NTSR1: variants seen among roughly 807,000 people sequenced by gnomAD.
The protein encoded by NTSR1 is neurotensin receptor type 1.
In NTSR1, 29 loss-of-function variants were observed where a neutral mutation model predicts 31.2. The observed-to-expected ratio is 0.93, with a 90% CI of 0.69 to 1.27. The LOEUF (loss-of-function observed/expected upper bound fraction) is 1.27, where lower values mean the gene tolerates loss of function less well. Ranked by LOEUF, NTSR1 falls within the 50% of genes most tolerant of loss-of-function variation. The probability of loss-of-function intolerance (pLI) is 0.00; values close to 1 mark genes in which losing one functional copy is unlikely to be tolerated. For synonymous variants in NTSR1, 282 were observed against 269.9 expected, an observed-to-expected ratio of 1.04 and a Z score of -0.44; for missense variants, 697 against 595.4, an observed-to-expected ratio of 1.17 and a Z score of -1.78.
intron 1 of NTSR1, among the ~76,000 whole-genome samples, chr20:62,730,293 TCTTA>T (rs1988981302): frequency 6.6e-6 from 1 of 152,176 alleles, no homozygotes; most frequent in Admixed American, 6.6e-5. Context: ...CCACTGATCC[TCTTA>T]CTGTCTTTCC....
At position 62,709,635 on chromosome 20, in the gene NTSR1, G is replaced by T; in HGVS notation, c.428G>T (p.Gly143Val). ...GCCTTCGGCGACGCCGGCTGCCGCG[G>T]CTACTACTTCCTGCGCGACGCCTGC... ...PWAFGDAGCRGYYFLRDACTY... is the reference protein window; with the variant it reads ...PWAFGDAGCRVYYFLRDACTY... Residue 143 changes from glycine to valine, a missense_variant, in exon 1 of 4, where the codon GGC (glycine) becomes GTC (valine). Coordinates refer to ENST00000370501, the MANE Select transcript of NTSR1 (RefSeq NM_002531.3). The T allele has an allele frequency of 6.2e-7, 1 of 1,612,324 alleles. No homozygotes were observed. The highest frequency in any genetic ancestry group is 8.5e-7 in the Non-Finnish European group (1 of 1,179,926).
At chr20:62,720,489 C>T (rs1988812050) in intron 1 of NTSR1, among the ~76,000 whole-genome samples, 1 of 151,998 alleles carries the variant, frequency 6.6e-6, no homozygotes, top group Non-Finnish European at 1.5e-5. Context: ...AATAGTGTCT[C>T]CTTGTTCATT....
intron 1 of NTSR1, among the ~76,000 whole-genome samples, chr20:62,718,832 CAT>C (rs1394659730): frequency 6.6e-6 from 1 of 152,216 alleles, no homozygotes; most frequent in African/African-American, 2.4e-5. Context: ...CAAATATTCA[CAT>C]ATGATGAATT....
chr20:62,731,230 G>A lies in NTSR1; in HGVS notation c.714+21309G>A, dbSNP rs186523255. Among the ~76,000 whole-genome samples the A allele has an allele frequency of 7.0e-3, 1,072 of 152,060 alleles. 4 individuals are homozygous for A. Among genetic ancestry groups the A allele is most frequent in the African/African-American group, 0.016 (670 of 41,462 alleles). On this transcript the variant is annotated intron_variant, in intron 1 of 3. Transcript: ENST00000370501. Reference sequence around the variant, plus strand: ...CTCCCGAGTAGCTGGGATTACAGGCGTGCACCACCATGCCCAGCTAATTTT... The same window carrying A: ...CTCCCGAGTAGCTGGGATTACAGGCATGCACCACCATGCCCAGCTAATTTT...
chr20:62,756,354 G>A (rs1008465948), intron 2 of NTSR1, among the ~76,000 whole-genome samples: 1 of 152,240 alleles, frequency 6.6e-6, no homozygotes, highest in African/African-American at 2.4e-5. Flanking sequence ...AAGAAGGCGG[G>A]GCAGGGGCAG....
chr20:62,756,280 G>C (rs1042827605), intron 2 of NTSR1, among the ~76,000 whole-genome samples: 6 of 152,198 alleles, frequency 3.9e-5, no homozygotes, highest in African/African-American at 1.4e-4. Context: ...GAGCCCATCT[G>C]GGCAACAGAG....
chr20:62,726,282 G>A (rs1348105227), intron 1 of NTSR1, among the ~76,000 whole-genome samples: 1 of 152,226 alleles, frequency 6.6e-6, no homozygotes, highest in Non-Finnish European at 1.5e-5. Flanking sequence ...CTCCCAAGAG[G>A]CTCCAGCCTC....
At chr20:62,725,773 G>C (rs1230569768) in intron 1 of NTSR1, among the ~76,000 whole-genome samples, 2 of 152,152 alleles carry the variant, frequency 1.3e-5, no homozygotes, top group Non-Finnish European at 2.9e-5. Context: ...ACCAAGAGGA[G>C]GGAGGAGGAC....
chr20:62,710,782 C>T (rs1292045874), intron 1 of NTSR1, among the ~76,000 whole-genome samples: 2 of 152,134 alleles, frequency 1.3e-5, no homozygotes, highest in African/African-American at 2.4e-5. Context: ...GAGCAGGAGG[C>T]TGGTGTCCAG....
Position 62,733,705 on chromosome 20 carries a change from G to A in NTSR1, c.715-20980G>A, listed in dbSNP as rs1243334993. ...AGAGGGAAAGGCAGAGAGAGAAACAGAGGGAGAAACACAAAGAGAGGGAGA... is the reference window on the plus strand; with the variant it reads ...AGAGGGAAAGGCAGAGAGAGAAACAAAGGGAGAAACACAAAGAGAGGGAGA... On this transcript the variant is annotated intron_variant, in intron 1 of 3. Coordinates refer to ENST00000370501, the MANE Select transcript of NTSR1 (RefSeq NM_002531.3). The surrounding 1 kb of genome is among the most constrained non-coding windows in gnomAD (Gnocchi z 5.2). Among the ~76,000 whole-genome samples, 1 of 151,786 alleles carries A rather than the reference G, an allele frequency of 6.6e-6. No homozygotes were observed. The highest frequency in any genetic ancestry group is 2.4e-5 in the African/African-American group (1 of 41,258).
intron 1 of NTSR1, among the ~76,000 whole-genome samples, chr20:62,710,808 C>T (rs574760465): frequency 7.2e-5 from 11 of 152,212 alleles, no homozygotes; most frequent in Admixed American, 5.9e-4. Context: ...AAGTCAGGGC[C>T]GGTCGGGAAC....
At chr20:62,737,187 G>A (rs755473154) in intron 1 of NTSR1, among the ~76,000 whole-genome samples, 27 of 152,196 alleles carry the variant, frequency 1.8e-4, no homozygotes, top group Non-Finnish European at 2.2e-4. Flanking sequence ...GTGAGGACGG[G>A]GCCAACCCAG....
Position 62,750,708 on chromosome 20 carries a change from A to C in NTSR1, c.715-3977A>C, listed in dbSNP as rs868423730. ...TCCGTCTCAAAAAAAAAAAAAAAAA[A>C]AAAACAATACTGCATTGCACACTCA... On this transcript the variant is annotated intron_variant, in intron 1 of 3. Coordinates refer to ENST00000370501, the MANE Select transcript of NTSR1 (RefSeq NM_002531.3). Among the ~76,000 whole-genome samples the C allele has an allele frequency of 7.0e-3, 1,061 of 150,646 alleles. 16 individuals are homozygous for C. Among genetic ancestry groups the C allele is most frequent in the African/African-American group, 0.025 (1,013 of 40,312 alleles).
chr20:62,762,199 A>G lies in NTSR1; in HGVS notation c.*1932A>G. Reference sequence around the variant, plus strand: ...ACCTGGACTCAGAGCCAGACAGGGCAGCCTCAGACCCTTCTCTGGGGCTCC... The same window carrying G: ...ACCTGGACTCAGAGCCAGACAGGGCGGCCTCAGACCCTTCTCTGGGGCTCC... On this transcript the variant is annotated 3_prime_UTR_variant, in exon 4 of 4. Transcript: ENST00000370501. 1 of 152,376 alleles carries G rather than the reference A, an allele frequency of 6.6e-6. No individual in the cohort carries two copies. Among genetic ancestry groups the G allele is most frequent in the Non-Finnish European group, 1.5e-5 (1 of 68,050 alleles). The allele number at this position is 152,376 out of a possible 1,614,324, so 9.4% of individuals were successfully genotyped here.
intron 1 of NTSR1, among the ~76,000 whole-genome samples, chr20:62,754,129 C>G (rs975057080): frequency 6.6e-5 from 10 of 152,164 alleles, no homozygotes; most frequent in Admixed American, 1.3e-4. Context: ...GTGCTGATAA[C>G]AGGGGCCCTA....
intron 1 of NTSR1, among the ~76,000 whole-genome samples, chr20:62,721,846 C>T (rs1287347293): frequency 6.6e-6 from 1 of 152,176 alleles, no homozygotes. Flanking sequence ...TTCTTTAGAT[C>T]CACTTCTCTG....
chr20:62,751,522 A>G (rs758130071), intron 1 of NTSR1, among the ~76,000 whole-genome samples: 23 of 152,258 alleles, frequency 1.5e-4, no homozygotes, highest in Non-Finnish European at 2.8e-4. Flanking sequence ...TGCTGGCTTT[A>G]TTCTTAGGCA....
In NTSR1 at chr20:62,757,927, C is replaced by T. The variant is rs377455271; in HGVS notation, c.917-339C>T. On this transcript the variant is annotated intron_variant, in intron 2 of 3. Coordinates refer to ENST00000370501, the MANE Select transcript of NTSR1 (RefSeq NM_002531.3). ...GCCCATGTCTCCCCCACTGAGCCCA[C>T]GCCTCTGTGCCTCAGGTGCAGTGGG... Among the ~76,000 whole-genome samples the T allele has an allele frequency of 1.3e-3, 192 of 152,152 alleles. 1 individual carries two copies. The highest frequency in any genetic ancestry group is 2.0e-3 in the Non-Finnish European group (135 of 67,982).
Position 62,758,098 on chromosome 20 carries a change from T to C in NTSR1, c.917-168T>C, listed in dbSNP as rs2427438. Reference sequence around the variant, plus strand: ...CAGGTGCAGTGGGTCTCTGAGCCCATGTCTCTGTGCCTCAGGTGCAGTGGG... The same window carrying C: ...CAGGTGCAGTGGGTCTCTGAGCCCACGTCTCTGTGCCTCAGGTGCAGTGGG... On this transcript the variant is annotated intron_variant, in intron 2 of 3. Coordinates refer to ENST00000370501, the MANE Select transcript of NTSR1 (RefSeq NM_002531.3). The surrounding 1 kb of genome is among the most constrained non-coding windows in gnomAD (Gnocchi z 4.5). Among the ~76,000 whole-genome samples, 98,620 of 105,326 alleles carry C rather than the reference T, an allele frequency of 0.94. 46,295 individuals carry two copies. Among genetic ancestry groups the C allele is most frequent in the East Asian group, 0.98 (3,589 of 3,672 alleles). The allele number at this position is 105,326 out of a possible 152,430, so 69.1% of individuals were successfully genotyped here.
Sources: gnomAD v4.1 joint callset for allele counts (sites outside exome capture counted in the v4.1 genomes callset) on GRCh38, gnomAD v4.1.1 for gene constraint, Gnocchi (gnomAD v3.1) non-coding constraint, MANE v1.5 for transcripts, NCBI Gene and HGNC (gene_info 2026-07-23, HGNC 2026-07-21) for gene names.